The following XXYLT1 variants were observed in gnomAD, a reference collection of about 807,000 sequenced individuals.
XXYLT1 encodes xyloside xylosyltransferase 1.
XXYLT1 carries 20 observed loss-of-function variants against 28.9 expected under a neutral mutation model. The observed-to-expected ratio is 0.69, with a 90% CI of 0.49 to 1.00. XXYLT1 has a LOEUF of 1.00. XXYLT1 is among the 50% of genes least tolerant of loss of function. The pLI is 0.00. For missense variants in XXYLT1, 542 were observed against 560.1 expected (o/e 0.97, Z 0.33); for synonymous variants, 257 against 253.8 (o/e 1.01, Z -0.12).
At chr3:195,258,366 C>G (rs969568241) in intron 1 of XXYLT1, among the ~76,000 whole-genome samples, 1 of 152,076 alleles carries the variant, frequency 6.6e-6, no homozygotes, top group Non-Finnish European at 1.5e-5. Context: ...TTGGCTGATG[C>G]CCAAAAATGA....
rs1210162971 is a variant in XXYLT1 at position 195,218,571 on chromosome 3, T to C, written c.652+8138A>G. ...CAAAAAACACATGAAAAAATGCTCA[T>C]CATCACTGGCCATCAGAGAAATGCA... On this transcript the variant is annotated intron_variant, in intron 2 of 3. Coordinates refer to ENST00000310380, the MANE Select transcript of XXYLT1 (RefSeq NM_152531.5). Among the ~76,000 whole-genome samples the C allele has an allele frequency of 1.6e-3, 236 of 151,840 alleles. 1 individual carries two copies. The highest frequency in any genetic ancestry group is 4.3e-3 in the African/African-American group (179 of 41,402).
intron 1 of XXYLT1, among the ~76,000 whole-genome samples, chr3:195,232,249 T>C (rs975630209): frequency 2.0e-5 from 3 of 152,148 alleles, no homozygotes; most frequent in African/African-American, 4.8e-5. Flanking sequence ...TCATCTCTGA[T>C]TTTATTTATT....
intron 3 of XXYLT1, among the ~76,000 whole-genome samples, chr3:195,087,558 G>A (rs1045506785): frequency 1.3e-5 from 2 of 152,222 alleles, no homozygotes; most frequent in African/African-American, 4.8e-5. Context: ...AGCTCTCTCC[G>A]GATAGGGCAC....
chr3:195,134,879 G>GCT (rs1553808220), intron 3 of XXYLT1, among the ~76,000 whole-genome samples: 9 of 140,556 alleles, frequency 6.4e-5, no homozygotes, highest in African/African-American at 2.5e-4. Flanking sequence ...GCGTGTGCGC[G>GCT]CGTGCGCGCA....
At chr3:195,122,545 T>A (rs1380880449) in intron 3 of XXYLT1, among the ~76,000 whole-genome samples, 3 of 152,036 alleles carry the variant, frequency 2.0e-5, no homozygotes, top group Admixed American at 1.3e-4. Flanking sequence ...AAGTACCCCA[T>A]GCCTGAGCAC....
chr3:195,216,085 C>T (rs1377880443), intron 2 of XXYLT1, among the ~76,000 whole-genome samples: 6 of 151,762 alleles, frequency 4.0e-5, no homozygotes, highest in South Asian at 2.1e-4. Flanking sequence ...GGGTACATAA[C>T]GAAATGAAGG....
At chr3:195,137,909 C>A (rs1719284344) in intron 3 of XXYLT1, among the ~76,000 whole-genome samples, 1 of 152,114 alleles carries the variant, frequency 6.6e-6, no homozygotes, top group African/African-American at 2.4e-5. Flanking sequence ...TCAGACACAC[C>A]CTTTCTGCCT....
rs3796159 is a variant in XXYLT1 at position 195,069,705 on chromosome 3, C to A, written c.*10G>T. On this transcript the variant is annotated 3_prime_UTR_variant, in exon 4 of 4. Transcript: ENST00000310380. ...ATCTGGAGGCCCCGGGGGCAAGGCA[C>A]GGGGAGCGCCTAGTCCTCCGGGATG... 1 of 1,603,326 alleles carries A rather than the reference C, an allele frequency of 6.2e-7. No individual in the cohort carries two copies.
intron 2 of XXYLT1, among the ~76,000 whole-genome samples, chr3:195,206,556 G>A (rs1477607904): frequency 4.0e-5 from 6 of 151,794 alleles, no homozygotes; most frequent in Non-Finnish European, 4.4e-5. Flanking sequence ...ATCACTTGAG[G>A]TCAGGAGTTC....
chr3:195,176,821 T>C lies in XXYLT1; in HGVS notation c.653-20240A>G, dbSNP rs141865229. The stretch of plus-strand genomic sequence containing the variant: ...TCACAGTTCCCATGGTAACCCTCCT[T>C]ACCTCACAGAGCACAGGCCCACAGG... On this transcript the variant is annotated intron_variant, in intron 2 of 3. Coordinates refer to ENST00000310380, the MANE Select transcript of XXYLT1 (RefSeq NM_152531.5). This position sits in a 1 kb window ranked among gnomAD's most constrained non-coding sequence, Gnocchi z 4.9. Among the ~76,000 whole-genome samples the C allele has an allele frequency of 6.6e-6, 1 of 152,206 alleles. No individual in the cohort carries two copies. The highest frequency in any genetic ancestry group is 1.5e-5 in the Non-Finnish European group (1 of 68,040).
chr3:195,088,450 C>T lies in XXYLT1; in HGVS notation c.786-18339G>A, dbSNP rs1250813790. Among the ~76,000 whole-genome samples the T allele has an allele frequency of 2.1e-5, 3 of 144,588 alleles. 1 individual carries two copies. The highest frequency in any genetic ancestry group is 4.3e-4 in the East Asian group (2 of 4,614). The allele number at this position is 144,588 out of a possible 152,430, so 94.9% of individuals were successfully genotyped here. ...TCACAGGGCCGGGTACTCCAACAGA[C>T]CTGCAGCTGAGGGTCCTGTCTGTTA... On this transcript the variant is annotated intron_variant, in intron 3 of 3. Coordinates refer to ENST00000310380, the MANE Select transcript of XXYLT1 (RefSeq NM_152531.5).
intron 2 of XXYLT1, chr3:195,184,673 C>T (rs1484800132): frequency 2.0e-6 from 2 of 985,386 alleles, no homozygotes; most frequent in Admixed American, 6.1e-5. Flanking sequence ...GGAGAACCAA[C>T]AGAATTCCTT....
chr3:195,213,395 G>A (rs1036248064), intron 2 of XXYLT1, among the ~76,000 whole-genome samples: 2 of 151,938 alleles, frequency 1.3e-5, no homozygotes, highest in Admixed American at 6.5e-5. Flanking sequence ...CTCCCGAGTA[G>A]CTGGGATTAC....
intron 3 of XXYLT1, among the ~76,000 whole-genome samples, 182 bp from the exon 4 acceptor site, chr3:195,070,293 C>T (rs571535226): frequency 6.6e-5 from 10 of 152,186 alleles, no homozygotes; most frequent in Non-Finnish European, 1.3e-4. Flanking sequence ...GGACCCCAAG[C>T]CTCAGATTCT....
At chr3:195,097,952 TA>T (rs1716543071) in intron 3 of XXYLT1, among the ~76,000 whole-genome samples, 1 of 149,324 alleles carries the variant, frequency 6.7e-6, no homozygotes, top group South Asian at 2.2e-4. Context: ...TGGTGGTGAA[TA>T]AGGAAGGACC....
At chr3:195,157,097 G>T (rs1398716599) in intron 2 of XXYLT1, among the ~76,000 whole-genome samples, 1 of 152,014 alleles carries the variant, frequency 6.6e-6, no homozygotes, top group East Asian at 1.9e-4. Flanking sequence ...ACAAAAATTA[G>T]CTGGGCGTGG....
Position 195,240,599 on chromosome 3 carries a change from T to C in XXYLT1, c.505-13743A>G, listed in dbSNP as rs1423630988. 6.6e-6 allele frequency among the ~76,000 whole-genome samples: 1 copy of C among 152,270 alleles called. No homozygotes were observed. The highest frequency in any genetic ancestry group is 1.5e-5 in the Non-Finnish European group (1 of 68,046). ...GTTTCCCGGAAATCCCAAGGCCTGT[T>C]TGAAGAACAGCCACTCCTCTGGCCA... On this transcript the variant is annotated intron_variant, in intron 1 of 3. Coordinates refer to ENST00000310380, the MANE Select transcript of XXYLT1 (RefSeq NM_152531.5). This position sits in a 1 kb window ranked among gnomAD's most constrained non-coding sequence, Gnocchi z 4.7.
intron 2 of XXYLT1, among the ~76,000 whole-genome samples, chr3:195,218,897 A>G (rs1723696312): frequency 6.6e-6 from 1 of 152,050 alleles, no homozygotes; most frequent in South Asian, 2.1e-4. Context: ...TCACAATAGC[A>G]AAGACTTGGA....
chr3:195,112,510 A>ACC (rs199898002), intron 3 of XXYLT1, among the ~76,000 whole-genome samples: 92 of 26,062 alleles, frequency 3.5e-3, no homozygotes, highest in Admixed American at 4.2e-3. Flanking sequence ...ACACCCACAC[A>ACC]CACCCACACA....
Sources: allele counts gnomAD v4.1 joint callset (sites outside exome capture counted in the v4.1 genomes callset), GRCh38; gene constraint gnomAD v4.1.1; non-coding constraint Gnocchi (gnomAD v3.1); transcripts MANE v1.5; gene names NCBI Gene and HGNC (gene_info 2026-07-23, HGNC 2026-07-21).